Variants in ADAP1 observed in about 807,000 individuals in gnomAD.
The protein encoded by ADAP1 is arf-GAP with dual PH domain-containing protein 1.
A neutral mutation model predicts 54.9 loss-of-function variants in ADAP1; 31 were observed. That is an observed-to-expected ratio of 0.56 (90% CI 0.42 to 0.76). The LOEUF (loss-of-function observed/expected upper bound fraction) is 0.76. Among genes scored for constraint, ADAP1 ranks in the 30% least tolerant of loss-of-function variants. The probability of loss-of-function intolerance (pLI) is 0.00; values close to 1 mark genes in which losing one functional copy is unlikely to be tolerated. For synonymous variants in ADAP1, 313 were observed against 202.6 expected (o/e 1.55, Z -4.63); for missense variants, 535 against 512.4 (o/e 1.04, Z -0.42).
intron 6 of ADAP1, among the ~76,000 whole-genome samples, chr7:903,086 G>A (rs1171638415): frequency 1.3e-5 from 2 of 152,168 alleles, no homozygotes; most frequent in Admixed American, 6.6e-5. Context: ...TCTCCAGGCC[G>A]TGGGAGTCGC....
intron 5 of ADAP1, among the ~76,000 whole-genome samples, chr7:904,540 G>A (rs1487851302): frequency 6.6e-6 from 1 of 152,154 alleles, no homozygotes; most frequent in Non-Finnish European, 1.5e-5. Flanking sequence ...GGCAGCCCCG[G>A]GCCCCACACG....
intron 2 of ADAP1, among the ~76,000 whole-genome samples, chr7:928,471 G>A (rs961442328): frequency 5.9e-5 from 9 of 152,154 alleles, no homozygotes; most frequent in Non-Finnish European, 1.2e-4. Flanking sequence ...ATGGAGGTGG[G>A]GTTCCACTCT....
At chr7:916,567 T>A (rs1386485571) in intron 4 of ADAP1, among the ~76,000 whole-genome samples, 2 of 152,084 alleles carry the variant, frequency 1.3e-5, no homozygotes, top group African/African-American at 2.4e-5. Flanking sequence ...CTTTGGGGGT[T>A]TAAGGCAGGA....
intron 1 of ADAP1, among the ~76,000 whole-genome samples, chr7:951,302 G>A (rs563411094): frequency 6.6e-6 from 1 of 151,974 alleles, no homozygotes; most frequent in Non-Finnish European, 1.5e-5. Context: ...GAACCTGGGA[G>A]GGGGAGCTTG....
At chr7:900,892 CCG>C (rs1844774673) in intron 6 of ADAP1, 1 of 592,412 alleles carries the variant, frequency 1.7e-6, no homozygotes, top group African/African-American at 1.9e-5. Flanking sequence ...AAGGGCCGGG[CCG>C]GGCCGGGCTG....
At chr7:904,494 G>A (rs958106144) in intron 5 of ADAP1, among the ~76,000 whole-genome samples, 2 of 152,104 alleles carry the variant, frequency 1.3e-5, no homozygotes, top group African/African-American at 2.4e-5. Flanking sequence ...TGTGCAGGTG[G>A]CACTTGACAT....
intron 3 of ADAP1, among the ~76,000 whole-genome samples, chr7:924,049 C>T (rs577086119): frequency 1.3e-5 from 1 of 76,804 alleles, no homozygotes. Context: ...CCACGCTGCA[C>T]CCCCCGCCCT....
Position 898,890 on chromosome 7 carries a change from TC to T in ADAP1, c.*30del. On this transcript the variant is annotated 3_prime_UTR_variant, in exon 11 of 11. Transcript: ENST00000265846. ...GTCCCCTCCGTCCAGCCACAGTGAG[TC>T]CAATGTCCGTGGTCCTCCAGCCGCA... The T allele has an allele frequency of 6.3e-7, 1 of 1,581,486 alleles. No homozygotes were observed.
At chr7:942,613 AGG>A (rs1846982874) in intron 1 of ADAP1, among the ~76,000 whole-genome samples, 1 of 43,052 alleles carries the variant, frequency 2.3e-5, no homozygotes, top group Non-Finnish European at 5.3e-5. Context: ...AGGAGGAGGA[AGG>A]GAGAGAGGAG....
chr7:953,435 C>A (rs1248430293), intron 1 of ADAP1, among the ~76,000 whole-genome samples: 3 of 152,222 alleles, frequency 2.0e-5, no homozygotes, highest in African/African-American at 7.2e-5. Context: ...TGTCCAGAGG[C>A]TGCATATTGA....
rs1844705782 is a variant in ADAP1 at position 899,963 on chromosome 7, GCA to G, written c.795+137_795+138del. ...CCGAGTCCTCGGGGACCCCGGCCAG[GCA>G]CAGACAAGGGGCTGTGAGGACCCAC... On this transcript the variant is annotated intron_variant, in intron 8 of 10. Transcript: ENST00000265846. The G allele has an allele frequency of 3.9e-5, 41 of 1,051,778 alleles. 1 individual carries two copies. The South Asian group carries it at 5.4e-4, about 14-fold the overall frequency. 65.2% of individuals were successfully genotyped at this position (1,051,778 alleles called of 1,614,324 possible).
rs367594985 is a variant in ADAP1, at chr7:912,627, G to A, written c.388+7341C>T. On this transcript the variant is annotated intron_variant, in intron 4 of 10. Transcript: ENST00000265846. ...AAAGAGCATCTTGGGGAGACACAGC[G>A]GCCACAGAGGGGCTTCCCTGCCACA... Among the ~76,000 whole-genome samples, 49 of 152,298 alleles carry A rather than the reference G, an allele frequency of 3.2e-4. No individual in the cohort carries two copies. In the East Asian group the frequency reaches 7.7e-3, roughly 24 times the overall value.
chr7:903,199 G>C (rs538924654), intron 6 of ADAP1, among the ~76,000 whole-genome samples: 73 of 152,310 alleles, frequency 4.8e-4, no homozygotes, highest in African/African-American at 1.7e-3. Flanking sequence ...ACTGTGGGAA[G>C]AGCGATCACA....
At chr7:907,295 G>A (rs971384593) in intron 4 of ADAP1, among the ~76,000 whole-genome samples, 16 of 152,146 alleles carry the variant, frequency 1.1e-4, no homozygotes, top group East Asian at 5.8e-4. Flanking sequence ...TGTGGCAGAC[G>A]ATCACAGGGG....
At chr7:949,443 T>C (rs1847217356) in intron 1 of ADAP1, among the ~76,000 whole-genome samples, 1 of 152,264 alleles carries the variant, frequency 6.6e-6, no homozygotes, top group Non-Finnish European at 1.5e-5. Context: ...GAGCAAGGCT[T>C]GGCAAATGCC....
intron 4 of ADAP1, 98 bp from the exon 5 acceptor site, chr7:905,270 C>CACGGGGGGACACGGATGGGGGAGACGG (rs1554271584): frequency 2.0e-6 from 1 of 507,186 alleles, no homozygotes; most frequent in African/African-American, 5.6e-5. Flanking sequence ...GGGGAGAAGA[C>CACGGGGGGACACGGATGGGGGAGACGG]ACGGGGGACA....
chr7:898,772 C>G lies in ADAP1; in HGVS notation c.*149G>C. On this transcript the variant is annotated 3_prime_UTR_variant, in exon 11 of 11. Transcript: ENST00000265846. ...AGGTTCCAGAGAAGCATCCTGGAAG[C>G]TGAAGCTCGGGCCCTACCTGGCCGC... 2.9e-6 allele frequency: 3 copies of G among 1,032,472 alleles called. No homozygotes were observed. The highest frequency in any genetic ancestry group is 4.3e-6 in the Non-Finnish European group (3 of 703,966). The allele number at this position is 1,032,472 out of a possible 1,614,324, so 64.0% of individuals were successfully genotyped here.
chr7:905,721 AGGGAAAGGAGAAAGGGAAAGGAGAAG>A (rs1562912710), intron 4 of ADAP1: 25 of 25,236 alleles, frequency 9.9e-4, no homozygotes, highest in Admixed American at 2.5e-3. Context: ...GAAAGGAGAA[AGGGAAAGGAGAAAGGGAAAGGAGAAG>A]GGAGAAGGGA....
rs576920276 is a variant in ADAP1, at chr7:946,687, G to T, written c.82+7709C>A. On this transcript the variant is annotated intron_variant, in intron 1 of 10. Transcript: ENST00000265846. The surrounding 1 kb of genome is among the most constrained non-coding windows in gnomAD (Gnocchi z 4.3). ...CCACTCTCTGGGGCCCCCACCCCGCGCCCCTCCAGGCTCTTCAGGGCCCTC... is the reference window on the plus strand; with the variant it reads ...CCACTCTCTGGGGCCCCCACCCCGCTCCCCTCCAGGCTCTTCAGGGCCCTC... 3.6e-4 allele frequency among the ~76,000 whole-genome samples: 55 copies of T among 152,112 alleles called. No homozygotes were observed. The highest frequency in any genetic ancestry group is 1.2e-3 in the African/African-American group (51 of 41,494).
Sources: gnomAD v4.1 joint callset for allele counts (sites outside exome capture counted in the v4.1 genomes callset) on GRCh38, gnomAD v4.1.1 for gene constraint, Gnocchi (gnomAD v3.1) non-coding constraint, MANE v1.5 for transcripts, NCBI Gene and HGNC (gene_info 2026-07-23, HGNC 2026-07-21) for gene names.